The following SLC26A7 variants were observed in gnomAD, a reference collection of about 807,000 sequenced individuals.
SLC26A7 encodes solute carrier family 26 member 7, also known as anion exchange transporter.
SLC26A7 carries 59 observed loss-of-function variants against 82.5 expected under a neutral mutation model. The observed-to-expected ratio is 0.72, with a 90% CI of 0.58 to 0.89. The LOEUF (loss-of-function observed/expected upper bound fraction) is 0.89, where lower values mean the gene tolerates loss of function less well. SLC26A7 is among the 40% of genes least tolerant of loss of function. SLC26A7 has a pLI of 0.00. For synonymous variants in SLC26A7, 271 were observed against 274.3 expected (o/e 0.99, Z 0.12); for missense variants, 820 against 793.0 (o/e 1.03, Z -0.41).
At chr8:91,322,370 C>A (rs2130813960) in intron 5 of SLC26A7, among the ~76,000 whole-genome samples, 1 of 152,008 alleles carries the variant, frequency 6.6e-6, no homozygotes, top group African/African-American at 2.4e-5. Flanking sequence ...TAAGAAGAAA[C>A]AATAATGTTA....
intron 9 of SLC26A7, among the ~76,000 whole-genome samples, chr8:91,350,066 C>T (rs1049187247): frequency 1.3e-5 from 2 of 152,128 alleles, no homozygotes; most frequent in East Asian, 3.8e-4. Flanking sequence ...AGTTCCCCTA[C>T]TGATTTAATT....
chr8:91,338,489 A>C (rs1813307379), intron 7 of SLC26A7, among the ~76,000 whole-genome samples: 1 of 152,172 alleles, frequency 6.6e-6, no homozygotes, highest in Admixed American at 6.6e-5. Flanking sequence ...CAAATATATT[A>C]TTAACAAAAT....
chr8:91,358,066 T>C (rs2130864034), intron 11 of SLC26A7, among the ~76,000 whole-genome samples: 1 of 152,176 alleles, frequency 6.6e-6, no homozygotes, highest in Middle Eastern at 3.4e-3. Flanking sequence ...TGAGATATCA[T>C]CTCCCACCAG....
chr8:91,218,284 A>G (rs954308322), intron 1 of SLC26A7, among the ~76,000 whole-genome samples: 2 of 152,170 alleles, frequency 1.3e-5, no homozygotes, highest in African/African-American at 2.4e-5. Flanking sequence ...GGTTACCATT[A>G]TTTCAAACAT....
intron 2 of SLC26A7, among the ~76,000 whole-genome samples, chr8:91,264,508 C>A (rs1160502279): frequency 6.6e-6 from 1 of 151,988 alleles, no homozygotes; most frequent in African/African-American, 2.4e-5. Flanking sequence ...GCTACTCAAT[C>A]CACTCCTTAT....
At chr8:91,353,124 A>AC in intron 11 of SLC26A7, 128 bp downstream of exon 11, 1 of 498,826 alleles carries the variant, frequency 2.0e-6, no homozygotes, top group Non-Finnish European at 3.3e-6. Flanking sequence ...ACAAACTACC[A>AC]TTTTTTTTCC....
At chr8:91,225,374 T>C (rs1723024017) in intron 2 of SLC26A7, among the ~76,000 whole-genome samples, 1 of 152,054 alleles carries the variant, frequency 6.6e-6, no homozygotes, top group African/African-American at 2.4e-5. Flanking sequence ...CCCAGCTGAG[T>C]AGCATGCTCA....
upstream of SLC26A7, among the ~76,000 whole-genome samples, chr8:91,248,480 C>T (rs1371836724): frequency 6.6e-6 from 1 of 152,062 alleles, no homozygotes; most frequent in Non-Finnish European, 1.5e-5. Context: ...GTATTCTTTT[C>T]CTTGGCTACA....
intron 10 of SLC26A7, among the ~76,000 whole-genome samples, chr8:91,352,445 A>T (rs1368553042): frequency 1.3e-5 from 2 of 152,134 alleles, no homozygotes; most frequent in Non-Finnish European, 2.9e-5. Flanking sequence ...CCATGGTAGG[A>T]TCTTCCAATA....
chr8:91,351,721 T>A (rs988840679), intron 9 of SLC26A7, 89 bp from the exon 10 acceptor site: 2 of 832,526 alleles, frequency 2.4e-6, no homozygotes, highest in African/African-American at 3.4e-5. Context: ...CAAGATAAAC[T>A]AAGAATTATC....
chr8:91,274,143 G>C (rs1450466841), intron 2 of SLC26A7, among the ~76,000 whole-genome samples: 1 of 152,108 alleles, frequency 6.6e-6, no homozygotes, highest in African/African-American at 2.4e-5. Flanking sequence ...AAGGTGCTCA[G>C]GGCAGAATCT....
intron 2 of SLC26A7, among the ~76,000 whole-genome samples, chr8:91,234,794 TA>T (rs1358866018): frequency 4.2e-3 from 290 of 69,240 alleles, no homozygotes; most frequent in African/African-American, 0.011. Flanking sequence ...CCTCCCTCCC[TA>T]CCTACCTACC....
At chr8:91,260,757 C>T (rs181230720) in intron 2 of SLC26A7, among the ~76,000 whole-genome samples, 12 of 152,026 alleles carry the variant, frequency 7.9e-5, no homozygotes, top group East Asian at 1.9e-4. Flanking sequence ...AGTGATTCTT[C>T]GTGTTCATGC....
At chr8:91,356,384 G>T (rs1260719890) in intron 11 of SLC26A7, among the ~76,000 whole-genome samples, 1 of 151,572 alleles carries the variant, frequency 6.6e-6, no homozygotes, top group East Asian at 1.9e-4. Context: ...ATCCTCTCCA[G>T]CACCTGTTGT....
intron 4 of SLC26A7, among the ~76,000 whole-genome samples, chr8:91,317,943 T>G (rs1812684747): frequency 7.3e-6 from 1 of 137,264 alleles, no homozygotes; most frequent in South Asian, 2.2e-4. Context: ...TAATAAGATA[T>G]ATATATATAT....
intron 4 of SLC26A7, among the ~76,000 whole-genome samples, chr8:91,309,095 A>G (rs1054496009): frequency 2.0e-5 from 3 of 152,042 alleles, no homozygotes; most frequent in Admixed American, 2.0e-4. Flanking sequence ...GCAAGGGAAT[A>G]TTTTTATGTA....
At chr8:91,381,523 G>A (rs1426021705) in intron 15 of SLC26A7, among the ~76,000 whole-genome samples, 1 of 152,106 alleles carries the variant, frequency 6.6e-6, no homozygotes, top group Non-Finnish European at 1.5e-5. Context: ...CTTCTTGAGT[G>A]CCTTGCTCTC....
chr8:91,279,135 A>ATATATATATATATATG (rs1187016858), intron 2 of SLC26A7, among the ~76,000 whole-genome samples: 893 of 86,256 alleles, frequency 0.01, 12 homozygotes, highest in African/African-American at 0.023. Flanking sequence ...GTATATATAT[A>ATATATATATATATATG]TATATATATA....
At chr8:91,292,530 A>T (rs1811901857) in intron 3 of SLC26A7, among the ~76,000 whole-genome samples, 1 of 152,154 alleles carries the variant, frequency 6.6e-6, no homozygotes, top group African/African-American at 2.4e-5. Context: ...TATTGATGTT[A>T]CTTTCATGAA....
Sources: gnomAD v4.1 joint callset for allele counts (sites outside exome capture counted in the v4.1 genomes callset) on GRCh38, gnomAD v4.1.1 for gene constraint, MANE v1.5 for transcripts, NCBI Gene and HGNC (gene_info 2026-07-23, HGNC 2026-07-21) for gene names.